IMPA2: variants seen among roughly 807,000 people sequenced by gnomAD.
IMPA2 encodes the protein inositol monophosphatase 2, also known as IMP 2.
IMPA2 carries 32 observed loss-of-function variants against 35.1 expected under a neutral mutation model. The ratio of observed to expected loss-of-function variants is 0.91; its 90% confidence interval spans 0.69 to 1.23. IMPA2 has a LOEUF of 1.23. IMPA2 is among the 50% of genes most tolerant of loss of function. The pLI is 0.00. For synonymous variants in IMPA2, 135 were observed against 160.6 expected, an observed-to-expected ratio of 0.84 and a Z score of 1.20; for missense variants, 334 against 387.6, an observed-to-expected ratio of 0.86 and a Z score of 1.16.
chr18:12,000,752 A>T (rs866563444), intron 2 of IMPA2, among the ~76,000 whole-genome samples: 34 of 149,976 alleles, frequency 2.3e-4, no homozygotes, highest in Middle Eastern at 6.8e-3. Flanking sequence ...AGTAGCTGGG[A>T]CTACAGGTGC....
Position 12,009,868 on chromosome 18 carries a change from G to T in IMPA2, c.231-15G>T. On this transcript the variant is annotated splice_polypyrimidine_tract_variant and intron_variant, in intron 2 of 7. Transcript: ENST00000269159. The stretch of plus-strand genomic sequence containing the variant: ...TCCTTGGTGCATTTTCTCAGGCTGG[G>T]TTCTTCCACTGCAGGTTCATTGCAG... 6.2e-7 allele frequency: 1 copy of T among 1,606,950 alleles called. No homozygotes were observed.
intron 2 of IMPA2, among the ~76,000 whole-genome samples, chr18:11,999,412 T>C (rs1187146649): frequency 1.3e-5 from 2 of 152,252 alleles, no homozygotes; most frequent in Non-Finnish European, 2.9e-5. Flanking sequence ...CAATGCATCC[T>C]CTTGTGAATA....
chr18:11,986,593 A>G (rs1274080147), intron 1 of IMPA2, among the ~76,000 whole-genome samples: 1 of 152,114 alleles, frequency 6.6e-6, no homozygotes, highest in Non-Finnish European at 1.5e-5. Context: ...TTACCAACAC[A>G]GTATTGTTTT....
intron 2 of IMPA2, among the ~76,000 whole-genome samples, chr18:12,001,229 G>A (rs553200987): frequency 1.3e-5 from 2 of 152,046 alleles, no homozygotes; most frequent in East Asian, 2.0e-4. Context: ...ACTCTGTCTC[G>A]AAAAATAAAT....
intron 1 of IMPA2, among the ~76,000 whole-genome samples, chr18:11,986,276 C>A (rs1399051131): frequency 2.0e-5 from 3 of 152,176 alleles, no homozygotes; most frequent in Non-Finnish European, 4.4e-5. Flanking sequence ...TTGCAAAACA[C>A]ATGTTGTATT....
At chr18:11,984,459 C>T (rs1442747027) in intron 1 of IMPA2, among the ~76,000 whole-genome samples, 1 of 152,264 alleles carries the variant, frequency 6.6e-6, no homozygotes, top group East Asian at 1.9e-4. Context: ...GTATTGTAGA[C>T]AGCTCTGCCT....
chr18:12,018,169 G>A (rs1907633776), intron 5 of IMPA2: 1 of 152,838 alleles, frequency 6.5e-6, no homozygotes, highest in African/African-American at 2.4e-5. Flanking sequence ...TTGAACTCCT[G>A]ACCTCAGGTG....
intron 1 of IMPA2, among the ~76,000 whole-genome samples, chr18:11,983,176 T>C (rs2143769229): frequency 6.6e-6 from 1 of 152,312 alleles, no homozygotes; most frequent in South Asian, 2.1e-4. Context: ...CTTTCCCTCC[T>C]GTAGGAAAAG....
chr18:11,997,613 C>T (rs959607471), intron 1 of IMPA2, among the ~76,000 whole-genome samples: 1 of 152,066 alleles, frequency 6.6e-6, no homozygotes, highest in African/African-American at 2.4e-5. Context: ...GGCTGAGTTT[C>T]GGGGGCTCCT....
At chr18:12,003,998 T>A (rs1228884674) in intron 2 of IMPA2, among the ~76,000 whole-genome samples, 3 of 152,254 alleles carry the variant, frequency 2.0e-5, no homozygotes, top group Admixed American at 2.0e-4. Context: ...TTCCCAGCCC[T>A]GCTCCAGAGC....
chr18:11,982,133 C>A (rs116765824), intron 1 of IMPA2, among the ~76,000 whole-genome samples: 1,737 of 152,256 alleles, frequency 0.011, 36 homozygotes, highest in African/African-American at 0.04. Flanking sequence ...CGGGGCTAAG[C>A]CCCAGCCGCG....
At chr18:11,982,955 T>C (rs567781093) in intron 1 of IMPA2, among the ~76,000 whole-genome samples, 66 of 152,340 alleles carry the variant, frequency 4.3e-4, no homozygotes, top group African/African-American at 1.2e-3. Flanking sequence ...CGGACTGTTA[T>C]CAATCTTAAA....
chr18:12,000,359 G>A (rs1361212514), intron 2 of IMPA2, among the ~76,000 whole-genome samples: 1 of 133,330 alleles, frequency 7.5e-6, no homozygotes. Flanking sequence ...TTTTTTCTGT[G>A]AATGATTATA....
At chr18:11,987,174 T>TAC (rs1402912389) in intron 1 of IMPA2, among the ~76,000 whole-genome samples, 1 of 152,174 alleles carries the variant, frequency 6.6e-6, no homozygotes, top group African/African-American at 2.4e-5. Flanking sequence ...CCGCAGGGTT[T>TAC]CTCATTCACT....
At chr18:12,016,715 G>A (rs1211058705) in intron 5 of IMPA2, among the ~76,000 whole-genome samples, 2 of 152,074 alleles carry the variant, frequency 1.3e-5, no homozygotes, top group African/African-American at 4.8e-5. Flanking sequence ...CACCACACCT[G>A]GCCGATTCTG....
rs755020049 is a variant in IMPA2, at chr18:12,009,940, G to A, written c.288G>A (p.Pro96=). ...SGAKCVLTHS[P]TWIIDPIDGT... is the part of the protein sequence containing the mutation. Reference sequence around the variant, plus strand: ...CCAAGTGTGTGCTCACCCACAGCCCGACGTGGATCATCGACCCCATCGACG... The same window carrying A: ...CCAAGTGTGTGCTCACCCACAGCCCAACGTGGATCATCGACCCCATCGACG... The change falls in exon 3 of 8, where the codon CCG becomes CCA. Residue 96 remains proline (P), a synonymous_variant. Transcript: ENST00000269159. 2.0e-5 allele frequency: 32 copies of A among 1,614,152 alleles called. No individual in the cohort carries two copies. The Middle Eastern group carries it at 8.2e-4, about 42-fold the overall frequency.
intron 6 of IMPA2, 174 bp from the exon 7 acceptor site, chr18:12,028,668 T>A: frequency 1.4e-6 from 1 of 722,282 alleles, no homozygotes. Context: ...GGCGGAGGCC[T>A]GTTGGTTGGT....
chr18:12,028,688 C>A, intron 6 of IMPA2, 154 bp from the exon 7 acceptor site: 1 of 866,178 alleles, frequency 1.2e-6, no homozygotes, highest in Non-Finnish European at 1.8e-6. Context: ...TGGCTCCAGG[C>A]CCTATATTCA....
chr18:11,999,774 G>T (rs559500502), intron 2 of IMPA2, among the ~76,000 whole-genome samples: 1 of 152,368 alleles, frequency 6.6e-6, no homozygotes, highest in South Asian at 2.1e-4. Context: ...CCTTTTTGGG[G>T]TCACCCTTTG....
Sources: allele counts gnomAD v4.1 joint callset (sites outside exome capture counted in the v4.1 genomes callset), GRCh38; gene constraint gnomAD v4.1.1; transcripts MANE v1.5; gene names NCBI Gene and HGNC (gene_info 2026-07-23, HGNC 2026-07-21).